Variants in LOC128092252 observed in about 807,000 individuals in gnomAD.
chr15:50,664,505 G>T, the LOC128092252 span, among the ~76,000 whole-genome samples: 1 of 151,968 alleles, frequency 6.6e-6, no homozygotes, highest in African/African-American at 2.4e-5. Flanking sequence ...GATAGAGAAG[G>T]TTATTACAAA....
At chr15:50,656,617 C>T in the LOC128092252 span, among the ~76,000 whole-genome samples, 3,180 of 151,634 alleles carry the variant, frequency 0.021, 48 homozygotes, top group Non-Finnish European at 0.033. Context: ...ATTACAGGCG[C>T]GAACCATCAC....
At chr15:50,666,165 T>G in the LOC128092252 span, among the ~76,000 whole-genome samples, 2 of 151,738 alleles carry the variant, frequency 1.3e-5, no homozygotes, top group South Asian at 4.2e-4. Flanking sequence ...GGTTCTTAGG[T>G]TAACAAAATT....
the LOC128092252 span, among the ~76,000 whole-genome samples, chr15:50,658,277 T>C: frequency 6.6e-6 from 1 of 152,022 alleles, no homozygotes; most frequent in African/African-American, 2.4e-5. Context: ...AGTGCTAGGA[T>C]TACAGGTGTG....
chr15:50,686,511 G>T, the LOC128092252 span: 3 of 1,613,786 alleles, frequency 1.9e-6, no homozygotes, highest in Admixed American at 1.7e-5. Context: ...TCCCCGCCCG[G>T]GCCTGCGTGG....
chr15:50,671,641 G>A, the LOC128092252 span, among the ~76,000 whole-genome samples: 10 of 94,918 alleles, frequency 1.1e-4, no homozygotes, highest in Non-Finnish European at 2.0e-4. Context: ...AGATCCTGTC[G>A]CTACAAAAGT....
At chr15:50,655,013 A>AG in the LOC128092252 span, among the ~76,000 whole-genome samples, 6 of 149,942 alleles carry the variant, frequency 4.0e-5, no homozygotes, top group South Asian at 2.1e-4. Flanking sequence ...AAAAAAAAAA[A>AG]AAAAGAAAAG....
At chr15:50,664,589 G>A in the LOC128092252 span, among the ~76,000 whole-genome samples, 1 of 152,084 alleles carries the variant, frequency 6.6e-6, no homozygotes, top group Non-Finnish European at 1.5e-5. Context: ...TACATAAAGG[G>A]AAAAAATTAG....
chr15:50,670,912 G>A, the LOC128092252 span, among the ~76,000 whole-genome samples: 2 of 152,020 alleles, frequency 1.3e-5, no homozygotes, highest in African/African-American at 4.8e-5. Context: ...AGTAGCTCTT[G>A]CCTGTAATCT....
the LOC128092252 span, among the ~76,000 whole-genome samples, chr15:50,675,862 T>A: frequency 1.3e-5 from 2 of 152,188 alleles, no homozygotes; most frequent in African/African-American, 4.8e-5. Context: ...CTTCAGTGGT[T>A]AAATAGTACA....
chr15:50,663,180 G>A, the LOC128092252 span: 2 of 650,072 alleles, frequency 3.1e-6, no homozygotes. Flanking sequence ...CCAGACTGGA[G>A]AGCAATGGTG....
At chr15:50,683,735 AAAC>A in the LOC128092252 span, among the ~76,000 whole-genome samples, 38 of 152,260 alleles carry the variant, frequency 2.5e-4, no homozygotes, top group East Asian at 2.5e-3. Context: ...AAACAAAATA[AAAC>A]AACAACAACA....
chr15:50,685,185 T>TGA, the LOC128092252 span, among the ~76,000 whole-genome samples: 1 of 152,208 alleles, frequency 6.6e-6, no homozygotes, highest in African/African-American at 2.4e-5. Context: ...CATGTTGGCC[T>TGA]GGCGCGGTGG....
the LOC128092252 span, among the ~76,000 whole-genome samples, chr15:50,652,054 C>T: frequency 6.6e-6 from 1 of 150,662 alleles, no homozygotes; most frequent in Admixed American, 6.6e-5. Context: ...CAGAATGGGC[C>T]GGGTGCGGTG....
At chr15:50,678,223 G>A in the LOC128092252 span, among the ~76,000 whole-genome samples, 1 of 134,120 alleles carries the variant, frequency 7.5e-6, no homozygotes, top group Non-Finnish European at 1.6e-5. Flanking sequence ...CTGGGCAACA[G>A]AGTGAGACTC....
At chr15:50,657,843 A>G in the LOC128092252 span, 4 of 1,598,874 alleles carry the variant, frequency 2.5e-6, no homozygotes, top group Non-Finnish European at 3.4e-6. Context: ...AAAGGTAAAT[A>G]AATTATTTCA....
At chr15:50,676,844 G>C in the LOC128092252 span, among the ~76,000 whole-genome samples, 3 of 152,116 alleles carry the variant, frequency 2.0e-5, no homozygotes, top group Non-Finnish European at 4.4e-5. Flanking sequence ...CGCAAGAGTT[G>C]AGAAAAGGAA....
the LOC128092252 span, among the ~76,000 whole-genome samples, chr15:50,669,221 C>T: frequency 1.3e-5 from 2 of 152,104 alleles, no homozygotes; most frequent in Non-Finnish European, 2.9e-5. Flanking sequence ...GTAGGTGGAT[C>T]ACCTGAGGTC....
At chr15:50,668,036 ATTCT>A in the LOC128092252 span, among the ~76,000 whole-genome samples, 8 of 152,332 alleles carry the variant, frequency 5.3e-5, no homozygotes, top group African/African-American at 1.7e-4. Flanking sequence ...GGTAACCAAA[ATTCT>A]TTGTCAATCG....
the LOC128092252 span, among the ~76,000 whole-genome samples, chr15:50,677,977 T>G: frequency 1.3e-5 from 2 of 151,114 alleles, no homozygotes; most frequent in African/African-American, 2.4e-5. Context: ...CAGTGGCTCA[T>G]GCCTATAATC....
Sources: allele counts gnomAD v4.1 joint callset (sites outside exome capture counted in the v4.1 genomes callset), GRCh38; gene constraint gnomAD v4.1.1; transcripts MANE v1.5.